The following TRAK1 variants were observed in gnomAD, a reference collection of about 807,000 sequenced individuals.
TRAK1 encodes trafficking kinesin-binding protein 1.
Under a neutral mutation model 92.1 loss-of-function variants are expected in TRAK1, and 33 were observed. That is an observed-to-expected ratio of 0.36 (90% confidence interval 0.27 to 0.48). The LOEUF is 0.48. Ranked by LOEUF, TRAK1 falls within the 20% of genes least tolerant of loss-of-function variation. The pLI, the probability that TRAK1 is intolerant of heterozygous loss-of-function variation, is 0.99. For synonymous variants in TRAK1, 521 were observed against 517.3 expected (o/e 1.01, Z -0.10); for missense variants, 1,123 against 1,257.9 (o/e 0.89, Z 1.62).
At chr3:42,210,726 G>A (rs780003805) in intron 14 of TRAK1, 8 of 986,094 alleles carry the variant, frequency 8.1e-6, no homozygotes, top group Middle Eastern at 5.2e-4. Context: ...TGTTCAAAGT[G>A]GATTTTTAAA....
chr3:42,017,978 G>T (rs1340305770), intron 1 of TRAK1, among the ~76,000 whole-genome samples: 1 of 149,986 alleles, frequency 6.7e-6, no homozygotes, highest in Non-Finnish European at 1.5e-5. Context: ...TTCTTGCTAT[G>T]TAACAGGTGA....
intron 1 of TRAK1, among the ~76,000 whole-genome samples, chr3:42,066,396 G>T (rs1439500790): frequency 6.6e-6 from 1 of 152,140 alleles, no homozygotes; most frequent in Non-Finnish European, 1.5e-5. Context: ...TCCATGGAGG[G>T]ATTCACTTGC....
chr3:42,107,990 C>T (rs1310201173), intron 1 of TRAK1, among the ~76,000 whole-genome samples: 3 of 151,642 alleles, frequency 2.0e-5, no homozygotes, highest in Non-Finnish European at 4.4e-5. Flanking sequence ...GTCTGAATTC[C>T]AGGATGTAGG....
At chr3:42,057,130 G>A (rs72867945) in intron 1 of TRAK1, among the ~76,000 whole-genome samples, 15,189 of 152,136 alleles carry the variant, frequency 0.1, 2,606 homozygotes, top group African/African-American at 0.35. Context: ...TGCATTTTAA[G>A]GTGCAGTAAT....
chr3:42,132,286 G>C (rs1257340241), intron 2 of TRAK1, among the ~76,000 whole-genome samples: 24 of 141,042 alleles, frequency 1.7e-4, no homozygotes, highest in African/African-American at 6.3e-4. Flanking sequence ...TTTTGAGTCA[G>C]TCTTCTCCTG....
intron 2 of TRAK1, chr3:42,145,496 A>AC (rs1254775850): frequency 6.6e-6 from 1 of 151,472 alleles, no homozygotes; most frequent in Non-Finnish European, 1.5e-5. Flanking sequence ...AAAAAAAAAA[A>AC]AAAACCTATG....
intron 1 of TRAK1, among the ~76,000 whole-genome samples, chr3:42,110,074 C>T (rs1249362526): frequency 1.6e-5 from 2 of 123,900 alleles, no homozygotes; most frequent in African/African-American, 3.1e-5. Context: ...ACGTTGTGCA[C>T]ATGTACCCTA....
chr3:42,179,552 T>G (rs1195160985), intron 3 of TRAK1, among the ~76,000 whole-genome samples: 1 of 152,192 alleles, frequency 6.6e-6, no homozygotes, highest in African/African-American at 2.4e-5. Flanking sequence ...ACTGGCCCCT[T>G]AGTCATGCTT....
At chr3:42,062,926 C>T (rs553160150) in intron 1 of TRAK1, among the ~76,000 whole-genome samples, 1 of 152,328 alleles carries the variant, frequency 6.6e-6, no homozygotes, top group Non-Finnish European at 1.5e-5. Flanking sequence ...TATTACCTCA[C>T]TCCCCAGAGC....
intron 2 of TRAK1, among the ~76,000 whole-genome samples, chr3:42,164,334 A>T (rs941284001): frequency 2.6e-5 from 4 of 152,236 alleles, no homozygotes; most frequent in African/African-American, 9.6e-5. Context: ...ATAGTTACAG[A>T]TACAGGATAC....
intron 1 of TRAK1, among the ~76,000 whole-genome samples, chr3:42,093,307 A>G (rs1705371463): frequency 6.6e-6 from 1 of 151,850 alleles, no homozygotes; most frequent in South Asian, 2.1e-4. Flanking sequence ...GCTAATTTCT[A>G]GAGAGAGCAT....
chr3:42,111,036 A>G (rs1446652058), intron 1 of TRAK1, among the ~76,000 whole-genome samples: 1 of 152,134 alleles, frequency 6.6e-6, no homozygotes. Flanking sequence ...GCCAGGGGCC[A>G]AGGGGGTAAC....
At chr3:42,118,875 C>G (rs1042431478) in intron 1 of TRAK1, among the ~76,000 whole-genome samples, 1 of 152,222 alleles carries the variant, frequency 6.6e-6, no homozygotes, top group African/African-American at 2.4e-5. Flanking sequence ...CATTTACCAT[C>G]CCATGGGACT....
chr3:42,014,140 C>T (rs1008877874), intron 1 of TRAK1: 1 of 152,270 alleles, frequency 6.6e-6, no homozygotes, highest in Non-Finnish European at 1.5e-5. Flanking sequence ...TCCGCTCACC[C>T]GCGCCGCCTG....
intron 1 of TRAK1, among the ~76,000 whole-genome samples, chr3:42,017,322 T>A (rs1388505268): frequency 6.6e-6 from 1 of 152,200 alleles, no homozygotes; most frequent in East Asian, 1.9e-4. Flanking sequence ...ATATTTGGCA[T>A]GCACTGTGAT....
At chr3:42,212,469 T>A in intron 14 of TRAK1, 2 of 985,440 alleles carry the variant, frequency 2.0e-6, no homozygotes, top group Non-Finnish European at 2.4e-6. Context: ...AGAAAAAGTT[T>A]TAAGCACTGA....
At chr3:42,144,872 C>A (rs1699140785) in intron 2 of TRAK1, among the ~76,000 whole-genome samples, 1 of 152,114 alleles carries the variant, frequency 6.6e-6, no homozygotes, top group Non-Finnish European at 1.5e-5. Context: ...GAAAGCTAAT[C>A]TTTTATATAG....
chr3:42,211,607 G>A (rs1709038968), intron 14 of TRAK1: 2 of 985,246 alleles, frequency 2.0e-6, no homozygotes, highest in African/African-American at 3.5e-5. Context: ...AGCCTTACAG[G>A]TAGAATAGAA....
chr3:42,164,820 A>G lies in TRAK1; in HGVS notation c.287-11994A>G, dbSNP rs78504025. 2.2e-3 allele frequency among the ~76,000 whole-genome samples: 337 copies of G among 152,270 alleles called. 4 individuals are homozygous for G. The highest frequency in any genetic ancestry group is 0.016 in the East Asian group (82 of 5,178). Reference sequence around the variant, plus strand: ...GCTTTTCGCAATCCCTCTCCTCACTATGAGATTAAGAGGGCTGAACTGCAT... The same window carrying G: ...GCTTTTCGCAATCCCTCTCCTCACTGTGAGATTAAGAGGGCTGAACTGCAT... On this transcript the variant is annotated intron_variant, in intron 2 of 15. Transcript: ENST00000327628.
Sources: allele counts gnomAD v4.1 joint callset (sites outside exome capture counted in the v4.1 genomes callset), GRCh38; gene constraint gnomAD v4.1.1; transcripts MANE v1.5; gene names NCBI Gene and HGNC (gene_info 2026-07-23, HGNC 2026-07-21).